Variants in PPARGC1A observed in about 807,000 individuals in gnomAD.
The protein encoded by PPARGC1A is PPARG coactivator 1 alpha.
A neutral mutation model predicts 88.7 loss-of-function variants in PPARGC1A; 25 were observed. The ratio of observed to expected loss-of-function variants is 0.28; its 90% confidence interval spans 0.21 to 0.39. PPARGC1A has a LOEUF of 0.39. Ranked by LOEUF, PPARGC1A falls within the 10% of genes least tolerant of loss-of-function variation. The pLI is 1.00. For missense variants in PPARGC1A, 880 were observed against 968.7 expected, an observed-to-expected ratio of 0.91 and a Z score of 1.22; for synonymous variants, 363 against 355.6, an observed-to-expected ratio of 1.02 and a Z score of -0.24.
At chr4:23,944,266 T>TTTAC in the PPARGC1A span, among the ~76,000 whole-genome samples, 2 of 152,182 alleles carry the variant, frequency 1.3e-5, no homozygotes, top group Admixed American at 1.3e-4. Flanking sequence ...AAAAGTTTAT[T>TTTAC]TGAAAGAATG....
At chr4:24,285,039 A>C in the PPARGC1A span, among the ~76,000 whole-genome samples, 252 of 150,990 alleles carry the variant, frequency 1.7e-3, 7 homozygotes, top group East Asian at 0.034. Flanking sequence ...AAAAAGTAAA[A>C]AAGAAAGAAG....
chr4:23,844,644 ATAT>A (rs1183472757), intron 2 of PPARGC1A, among the ~76,000 whole-genome samples: 6 of 35,046 alleles, frequency 1.7e-4, no homozygotes, highest in Non-Finnish European at 2.2e-4. Context: ...AATATATATC[ATAT>A]TATATGATAT....
the PPARGC1A span, among the ~76,000 whole-genome samples, chr4:24,286,710 G>T: frequency 6.6e-6 from 1 of 152,194 alleles, no homozygotes. Context: ...CTATTGCTGT[G>T]TAACAAATCA....
the PPARGC1A span, among the ~76,000 whole-genome samples, chr4:24,064,929 C>T: frequency 1.3e-5 from 2 of 152,106 alleles, no homozygotes; most frequent in East Asian, 1.9e-4. Context: ...TAAAGATTAT[C>T]ACTCTAGAAC....
chr4:24,283,805 G>A, the PPARGC1A span, among the ~76,000 whole-genome samples: 2 of 152,284 alleles, frequency 1.3e-5, no homozygotes, highest in East Asian at 3.9e-4. Context: ...TGTACACACA[G>A]AAAAGGGATA....
At chr4:23,850,709 G>A (rs6838835) in intron 2 of PPARGC1A, among the ~76,000 whole-genome samples, 3,683 of 152,168 alleles carry the variant, frequency 0.024, 97 homozygotes, top group African/African-American at 0.066. Context: ...TCCACACGCC[G>A]CTTCCTTTTA....
chr4:24,370,940 C>T, the PPARGC1A span, among the ~76,000 whole-genome samples: 1 of 151,826 alleles, frequency 6.6e-6, no homozygotes. Context: ...TTGCCCCTCA[C>T]TCCCGAAAGT....
At chr4:24,379,041 C>T in the PPARGC1A span, among the ~76,000 whole-genome samples, 1 of 152,044 alleles carries the variant, frequency 6.6e-6, no homozygotes, top group Non-Finnish European at 1.5e-5. Context: ...TCTTCTTTGT[C>T]CCCTTCTATT....
intron 10 of PPARGC1A, among the ~76,000 whole-genome samples, chr4:23,810,431 G>T (rs140045166): frequency 6.6e-6 from 1 of 152,170 alleles, no homozygotes; most frequent in Non-Finnish European, 1.5e-5. Flanking sequence ...GGACAACAGG[G>T]TAGCATCTGC....
At chr4:24,405,873 C>T in the PPARGC1A span, among the ~76,000 whole-genome samples, 7 of 152,184 alleles carry the variant, frequency 4.6e-5, no homozygotes, top group African/African-American at 7.2e-5. Flanking sequence ...TTCCTTCTTC[C>T]ATTTCTGTCT....
the PPARGC1A span, among the ~76,000 whole-genome samples, chr4:24,097,229 C>G: frequency 6.6e-6 from 1 of 152,146 alleles, no homozygotes; most frequent in African/African-American, 2.4e-5. Context: ...TTACCCTGCT[C>G]TGTTAGATGC....
rs568087514 is a variant in PPARGC1A, at chr4:23,875,170, G to A, written c.234+9582C>T. Among the ~76,000 whole-genome samples, 190 of 151,478 alleles carry A rather than the reference G, an allele frequency of 1.3e-3. 2 individuals are homozygous for A. In the South Asian group the frequency reaches 0.023, roughly 19 times the overall value. ...GGGAGACCTAAAAAGATAATTGTTT[G>A]TGGACTTAGAAGTCCTCAACATCTT... On this transcript the variant is annotated intron_variant, in intron 2 of 12. Transcript: ENST00000264867.
At chr4:24,403,115 C>T in the PPARGC1A span, among the ~76,000 whole-genome samples, 10 of 152,292 alleles carry the variant, frequency 6.6e-5, no homozygotes, top group South Asian at 1.5e-3. Flanking sequence ...AGTGCTACAG[C>T]GGGATTCAAA....
the PPARGC1A span, among the ~76,000 whole-genome samples, chr4:24,084,469 A>G: frequency 6.6e-6 from 1 of 152,214 alleles, no homozygotes; most frequent in African/African-American, 2.4e-5. Flanking sequence ...GGGAGGAGAA[A>G]GGAGCAGAAC....
the PPARGC1A span, among the ~76,000 whole-genome samples, chr4:24,222,963 T>A: frequency 6.6e-6 from 1 of 152,008 alleles, no homozygotes; most frequent in Admixed American, 6.5e-5. Flanking sequence ...GAAACAAAAC[T>A]AAGCAAAAAA....
the PPARGC1A span, among the ~76,000 whole-genome samples, chr4:24,392,152 T>A: frequency 6.6e-6 from 1 of 152,090 alleles, no homozygotes; most frequent in South Asian, 2.1e-4. Context: ...ATGAAAAAAA[T>A]TATCATGGGA....
chr4:24,276,451 G>C, the PPARGC1A span, among the ~76,000 whole-genome samples: 1 of 152,160 alleles, frequency 6.6e-6, no homozygotes, highest in Non-Finnish European at 1.5e-5. Context: ...CGAGGTCCTT[G>C]AGTCCTATTC....
chr4:24,129,826 A>G, the PPARGC1A span, among the ~76,000 whole-genome samples: 1 of 152,212 alleles, frequency 6.6e-6, no homozygotes. Context: ...ATAAAAAATG[A>G]TGAGTTCATG....
At chr4:24,423,082 T>C in the PPARGC1A span, among the ~76,000 whole-genome samples, 90 of 152,036 alleles carry the variant, frequency 5.9e-4, 2 homozygotes, top group East Asian at 0.015. Context: ...ATAGATATAA[T>C]ACACACACAC....
Sources: allele counts gnomAD v4.1 joint callset (sites outside exome capture counted in the v4.1 genomes callset), GRCh38; gene constraint gnomAD v4.1.1; transcripts MANE v1.5; gene names NCBI Gene and HGNC (gene_info 2026-07-23, HGNC 2026-07-21).